SYNGR1: variants seen among roughly 807,000 people sequenced by gnomAD.
SYNGR1 encodes synaptogyrin-1.
Under a neutral mutation model 26.1 loss-of-function variants are expected in SYNGR1, and 14 were observed. The observed-to-expected ratio is 0.54, with a 90% CI of 0.35 to 0.84. SYNGR1 has a LOEUF of 0.84. Among genes scored for constraint, SYNGR1 ranks in the 40% least tolerant of loss-of-function variants. The pLI, the probability that SYNGR1 is intolerant of heterozygous loss-of-function variation, is 0.01. For synonymous variants in SYNGR1, 141 were observed against 150.1 expected, an observed-to-expected ratio of 0.94 and a Z score of 0.44; for missense variants, 319 against 332.9, an observed-to-expected ratio of 0.96 and a Z score of 0.33.
intron 3 of SYNGR1, chr22:39,378,110 G>A: frequency 8.5e-7 from 1 of 1,172,516 alleles, no homozygotes; most frequent in Non-Finnish European, 1.1e-6. Context: ...CAGAGCAATA[G>A]CCTCTCCCTT....
In SYNGR1 at chr22:39,381,907, G is replaced by T. The variant is rs777516398; in HGVS notation, c.695G>T (p.Gly232Val). Residue 232 changes from glycine (G) to valine (V), a missense_variant, in exon 4 of 4, where the codon GGC (glycine) becomes GTC (valine). Gly to Val is a moderately radical substitution (Grantham distance 109). Transcript: ENST00000328933. ...GAGCCCCAGGGCTACCAGTCGCAGG[G>T]CTACTGAGCCACAGTGACCGCCTGC... ...DTEPQGYQSQGY is the reference protein window; with the variant it reads ...DTEPQGYQSQVY 6.2e-7 allele frequency: 1 copy of T among 1,608,886 alleles called. No individual in the cohort carries two copies. The highest frequency in any genetic ancestry group is 1.7e-5 in the Admixed American group (1 of 59,482).
At chr22:39,368,055 C>T (rs556209468) in intron 1 of SYNGR1, among the ~76,000 whole-genome samples, 1 of 152,306 alleles carries the variant, frequency 6.6e-6, no homozygotes, top group East Asian at 1.9e-4. Flanking sequence ...AATCGGAGGC[C>T]CTGCTTCAGG....
intron 1 of SYNGR1, among the ~76,000 whole-genome samples, chr22:39,361,591 C>G (rs1414235094): frequency 6.6e-6 from 1 of 151,396 alleles, no homozygotes; most frequent in Non-Finnish European, 1.5e-5. Context: ...AACTCCTGAC[C>G]TCAAGTCATC....
At chr22:39,364,055 G>C (rs78278690) in intron 1 of SYNGR1, 4 of 1,413,896 alleles carry the variant, frequency 2.8e-6, no homozygotes, top group Middle Eastern at 4.9e-4. Context: ...GTTAGCCGAC[G>C]CCCTGCAGTG....
At chr22:39,363,651 G>C (rs529871516) in intron 1 of SYNGR1, among the ~76,000 whole-genome samples, 1 of 152,126 alleles carries the variant, frequency 6.6e-6, no homozygotes, top group Non-Finnish European at 1.5e-5. Context: ...TTCAGCCAGC[G>C]GAGGGATTGT....
chr22:39,350,197 A>ACCCCGT lies in SYNGR1; in HGVS notation c.99+92_99+93insGTCCCC. On this transcript the variant is annotated intron_variant, in intron 1 of 3. Transcript: ENST00000328933. This position sits in a 1 kb window ranked among gnomAD's most constrained non-coding sequence, Gnocchi z 4.3. ...CGCGCCCGGACCGACCCCGACCCCG[A>ACCCCGT]CCCCAACGGGCCCCCGGCGGCGGCG... 1 of 915,272 alleles carries ACCCCGT rather than the reference A, an allele frequency of 1.1e-6. No homozygotes were observed. Among genetic ancestry groups the ACCCCGT allele is most frequent in the East Asian group, 5.0e-5 (1 of 20,164 alleles). 56.7% of individuals were successfully genotyped at this position (915,272 alleles called of 1,614,324 possible). A position where few individuals can be genotyped will look rare whatever the true frequency, so the allele number is the denominator to read the frequency against.
Position 39,382,071 on chromosome 22 carries a change from G to T in SYNGR1, c.*157G>T, listed in dbSNP as rs1039537618. The stretch of plus-strand genomic sequence containing the variant: ...CTCGGGGCAGGGGTGGGGCAGTCCA[G>T]TGTTGGGGACTGTCTACGTATGTGC... On this transcript the variant is annotated 3_prime_UTR_variant, in exon 4 of 4. Transcript: ENST00000328933. 4 of 772,394 alleles carry T rather than the reference G, an allele frequency of 5.2e-6. No individual in the cohort carries two copies. Among genetic ancestry groups the T allele is most frequent in the Admixed American group, 4.2e-5 (2 of 47,494 alleles). The allele number at this position is 772,394 out of a possible 1,614,324, so 47.8% of individuals were successfully genotyped here. A position where few individuals can be genotyped will look rare whatever the true frequency, so the allele number is the denominator to read the frequency against.
chr22:39,351,950 G>A (rs371017126), intron 1 of SYNGR1, among the ~76,000 whole-genome samples: 1 of 152,234 alleles, frequency 6.6e-6, no homozygotes, highest in African/African-American at 2.4e-5. Context: ...GACGTGGAAA[G>A]CAGGAGGAAG....
intron 1 of SYNGR1, among the ~76,000 whole-genome samples, chr22:39,367,108 C>T (rs1012432120): frequency 9.8e-5 from 15 of 152,338 alleles, no homozygotes; most frequent in East Asian, 5.8e-4. Flanking sequence ...GCCCCCAGTC[C>T]GCCTCCTCTT....
At position 39,367,521 on chromosome 22, in the gene SYNGR1, C is replaced by T. The variant is rs540455690; in HGVS notation, c.100-6795C>T. On this transcript the variant is annotated intron_variant, in intron 1 of 3. Transcript: ENST00000328933. ...AGCACATGAAGGGCCTTGACCCCAGCCTTAGAAGCTTGGGTTGTAGACCGC... is the reference window on the plus strand; with the variant it reads ...AGCACATGAAGGGCCTTGACCCCAGTCTTAGAAGCTTGGGTTGTAGACCGC... Among the ~76,000 whole-genome samples the T allele has an allele frequency of 7.9e-5, 12 of 152,264 alleles. No individual in the cohort carries two copies. The South Asian group carries it at 2.5e-3, about 32-fold the overall frequency.
rs142406412 is a variant in SYNGR1 at position 39,364,157 on chromosome 22, A to G, written c.100-10159A>G. Reference sequence around the variant, plus strand: ...GGCCTGTGCCCTTTTGCACTGCGGGACACGGCTCAGGACCAGCAGGCATGC... The same window carrying G: ...GGCCTGTGCCCTTTTGCACTGCGGGGCACGGCTCAGGACCAGCAGGCATGC... On this transcript the variant is annotated intron_variant, in intron 1 of 3. Coordinates refer to ENST00000328933, the MANE Select transcript of SYNGR1 (RefSeq NM_004711.5). 66 of 1,611,686 alleles carry G rather than the reference A, an allele frequency of 4.1e-5. No individual in the cohort carries two copies. In the African/African-American group the frequency reaches 7.7e-4, roughly 19 times the overall value.
intron 1 of SYNGR1, among the ~76,000 whole-genome samples, chr22:39,360,335 A>G (rs1429542404): frequency 6.6e-6 from 1 of 151,800 alleles, no homozygotes; most frequent in East Asian, 1.9e-4. Context: ...TCCCTCATCC[A>G]TTTCTCTGGT....
chr22:39,355,099 T>C (rs141814352), intron 1 of SYNGR1, among the ~76,000 whole-genome samples: 2 of 152,102 alleles, frequency 1.3e-5, no homozygotes, highest in African/African-American at 4.8e-5. Flanking sequence ...CTCGCTCCAA[T>C]AACGAGAACA....
At chr22:39,376,270 C>T (rs1391800062) in intron 3 of SYNGR1, 73 bp downstream of exon 3, 16 of 1,610,166 alleles carry the variant, frequency 9.9e-6, no homozygotes, top group East Asian at 6.7e-5. Context: ...GGTGGCCTTT[C>T]GCTAGCCTGG....
intron 3 of SYNGR1, among the ~76,000 whole-genome samples, chr22:39,379,174 G>C (rs1925414749): frequency 6.6e-6 from 1 of 152,226 alleles, no homozygotes; most frequent in Non-Finnish European, 1.5e-5. Flanking sequence ...CAGCAGCCAG[G>C]ACCTCATGCT....
intron 3 of SYNGR1, among the ~76,000 whole-genome samples, chr22:39,380,841 A>C (rs531939578): frequency 6.6e-4 from 101 of 151,890 alleles, no homozygotes; most frequent in African/African-American, 2.3e-3. Flanking sequence ...GGCTGGTCTC[A>C]AACTCCTGAC....
intron 3 of SYNGR1, 83 bp downstream of exon 3, chr22:39,376,280 G>A (rs757314035): frequency 6.2e-7 from 1 of 1,606,880 alleles, no homozygotes; most frequent in Non-Finnish European, 8.5e-7. Context: ...CGCTAGCCTG[G>A]GACCCGCTCT....
chr22:39,359,677 G>T (rs1924374552), intron 1 of SYNGR1, among the ~76,000 whole-genome samples: 1 of 148,670 alleles, frequency 6.7e-6, no homozygotes, highest in Non-Finnish European at 1.5e-5. Context: ...CCCTAGCTTG[G>T]TGTCAGTCCT....
intron 3 of SYNGR1, among the ~76,000 whole-genome samples, chr22:39,376,841 T>C (rs151279079): frequency 1.3e-5 from 2 of 152,360 alleles, no homozygotes; most frequent in African/African-American, 4.8e-5. Context: ...AATTTTTACA[T>C]GAAATCTGAT....
Sources: gnomAD v4.1 joint callset for allele counts (sites outside exome capture counted in the v4.1 genomes callset) on GRCh38, gnomAD v4.1.1 for gene constraint, Gnocchi (gnomAD v3.1) non-coding constraint, MANE v1.5 for transcripts, NCBI Gene and HGNC (gene_info 2026-07-23, HGNC 2026-07-21) for gene names.